The following NETO1 variants were observed in gnomAD, a reference collection of about 807,000 sequenced individuals.
The protein encoded by NETO1 is neuropilin and tolloid-like protein 1.
In NETO1, 26 loss-of-function variants were observed where a neutral mutation model predicts 61.3. That is an observed-to-expected ratio of 0.42 (90% CI 0.31 to 0.59). The LOEUF (loss-of-function observed/expected upper bound fraction) is 0.59, where lower values mean the gene tolerates loss of function less well. Among genes scored for constraint, NETO1 ranks in the 20% least tolerant of loss-of-function variants. NETO1 has a pLI of 0.12. For missense variants in NETO1, 531 were observed against 662.8 expected (o/e 0.80, Z 2.18); for synonymous variants, 225 against 225.8 (o/e 1.00, Z 0.03).
intron 4 of NETO1, among the ~76,000 whole-genome samples, chr18:72,829,319 A>G (rs962448958): frequency 6.6e-6 from 1 of 152,208 alleles, no homozygotes; most frequent in Admixed American, 6.5e-5. Context: ...GCTGATCTAT[A>G]GACCAACCAA....
At chr18:72,807,189 A>G (rs139498673) in intron 4 of NETO1, among the ~76,000 whole-genome samples, 197 of 152,338 alleles carry the variant, frequency 1.3e-3, no homozygotes, top group African/African-American at 4.6e-3. Flanking sequence ...CTTTTCTCTA[A>G]GTATGGGGTT....
chr18:72,793,552 G>T (rs1354814160), intron 6 of NETO1, among the ~76,000 whole-genome samples: 1 of 152,130 alleles, frequency 6.6e-6, no homozygotes, highest in African/African-American at 2.4e-5. Flanking sequence ...ATAATGGAGG[G>T]TTTGATAATG....
rs143172108 is a variant in NETO1, at chr18:72,826,688, C to A, written c.469+32138G>T. Among the ~76,000 whole-genome samples, 650 of 152,218 alleles carry A rather than the reference C, an allele frequency of 4.3e-3. 5 individuals carry two copies. The highest frequency in any genetic ancestry group is 0.015 in the African/African-American group (609 of 41,540). ...GTGCTGGTGACACTTTCAAAAACAA[C>A]AAGTTACACAAAAAAGTTGATTAGG... On this transcript the variant is annotated intron_variant, in intron 4 of 10. Transcript: ENST00000327305.
At chr18:72,834,406 T>C (rs1233901804) in intron 4 of NETO1, 5 of 959,212 alleles carry the variant, frequency 5.2e-6, no homozygotes, top group Non-Finnish European at 5.0e-6. Flanking sequence ...ATGAAGGGAG[T>C]ATAAGAAAAT....
intron 6 of NETO1, among the ~76,000 whole-genome samples, chr18:72,790,915 C>T (rs894581471): frequency 2.0e-5 from 3 of 152,068 alleles, no homozygotes; most frequent in African/African-American, 7.2e-5. Flanking sequence ...TAATAGTTAC[C>T]ATGATTTGGT....
intron 4 of NETO1, among the ~76,000 whole-genome samples, chr18:72,844,950 C>T (rs557848265): frequency 2.0e-5 from 3 of 152,336 alleles, no homozygotes; most frequent in South Asian, 2.1e-4. Flanking sequence ...CAGGTCTTAA[C>T]GTGACATCAA....
intron 7 of NETO1, among the ~76,000 whole-genome samples, chr18:72,777,758 CAAAT>C (rs1208790389): frequency 6.6e-6 from 1 of 152,066 alleles, no homozygotes; most frequent in Non-Finnish European, 1.5e-5. Flanking sequence ...AACAAACAAA[CAAAT>C]AAATAAGAAT....
chr18:72,831,736 A>G (rs1245043322), intron 4 of NETO1, among the ~76,000 whole-genome samples: 2 of 152,270 alleles, frequency 1.3e-5, no homozygotes, highest in Non-Finnish European at 2.9e-5. Flanking sequence ...TACATCTTGT[A>G]TAACTTTTCC....
chr18:72,751,618 G>T (rs996608169), intron 8 of NETO1, among the ~76,000 whole-genome samples: 1 of 152,194 alleles, frequency 6.6e-6, no homozygotes, highest in East Asian at 1.9e-4. Context: ...AACACCAGGT[G>T]TCTCCAGTGG....
chr18:72,758,791 G>T (rs1453285815), intron 7 of NETO1, among the ~76,000 whole-genome samples: 1 of 152,088 alleles, frequency 6.6e-6, no homozygotes, highest in African/African-American at 2.4e-5. Flanking sequence ...AGCCGAGATT[G>T]CGCCACTGTA....
At position 72,744,584 on chromosome 18, in the gene NETO1, G is replaced by A. The variant is rs886175821; in HGVS notation, c.*3595C>T. On this transcript the variant is annotated 3_prime_UTR_variant, in exon 11 of 11. Transcript: ENST00000327305. ...AAAGGGCACAGAGAAAAATGGCACCGAAGCTAGCTCGCCTCAGTGCAATTA... is the reference window on the plus strand; with the variant it reads ...AAAGGGCACAGAGAAAAATGGCACCAAAGCTAGCTCGCCTCAGTGCAATTA... 4 of 152,040 alleles carry A rather than the reference G, an allele frequency of 2.6e-5. No homozygotes were observed. Among genetic ancestry groups the A allele is most frequent in the African/African-American group, 4.8e-5 (2 of 41,400 alleles). 9.4% of individuals were successfully genotyped at this position (152,040 alleles called of 1,614,324 possible).
At chr18:72,807,997 A>G (rs540243969) in intron 4 of NETO1, among the ~76,000 whole-genome samples, 1 of 148,616 alleles carries the variant, frequency 6.7e-6, no homozygotes, top group South Asian at 2.1e-4. Context: ...CATCTTTTTC[A>G]CTAGAACTGG....
chr18:72,835,602 G>T (rs1411052666), intron 4 of NETO1, among the ~76,000 whole-genome samples: 2 of 152,074 alleles, frequency 1.3e-5, no homozygotes, highest in African/African-American at 4.8e-5. Context: ...AGAATGATGG[G>T]TATTTCTACG....
intron 4 of NETO1, among the ~76,000 whole-genome samples, chr18:72,843,908 G>T (rs10514057): frequency 6.6e-6 from 1 of 152,066 alleles, no homozygotes; most frequent in East Asian, 1.9e-4. Context: ...TTAGATAAGC[G>T]TATTAGCTCA....
At chr18:72,824,471 G>A (rs560475962) in intron 4 of NETO1, among the ~76,000 whole-genome samples, 5 of 152,118 alleles carry the variant, frequency 3.3e-5, no homozygotes, top group Non-Finnish European at 4.4e-5. Context: ...AAAGTGTTCT[G>A]GGAAATACTC....
intron 4 of NETO1, among the ~76,000 whole-genome samples, chr18:72,840,263 A>G (rs2073888166): frequency 6.6e-6 from 1 of 152,224 alleles, no homozygotes; most frequent in South Asian, 2.1e-4. Flanking sequence ...TGAGGTGAGA[A>G]CTGAGGAAAA....
At chr18:72,815,653 C>T (rs548126503) in intron 4 of NETO1, among the ~76,000 whole-genome samples, 48 of 152,272 alleles carry the variant, frequency 3.2e-4, no homozygotes, top group African/African-American at 1.1e-3. Flanking sequence ...CTGACGACAT[C>T]GAGTTTCACG....
At chr18:72,801,896 G>A (rs2072520015) in intron 4 of NETO1, among the ~76,000 whole-genome samples, 1 of 152,004 alleles carries the variant, frequency 6.6e-6, no homozygotes, top group Admixed American at 6.6e-5. Flanking sequence ...GAGATGAAAA[G>A]ACTCACTGTC....
chr18:72,796,567 C>A (rs887740280), intron 4 of NETO1, among the ~76,000 whole-genome samples: 1 of 152,206 alleles, frequency 6.6e-6, no homozygotes, highest in Middle Eastern at 3.4e-3. Context: ...AGCTTCACCT[C>A]CCAGGTTCAC....
Sources: gnomAD v4.1 joint callset for allele counts (sites outside exome capture counted in the v4.1 genomes callset) on GRCh38, gnomAD v4.1.1 for gene constraint, MANE v1.5 for transcripts, NCBI Gene and HGNC (gene_info 2026-07-23, HGNC 2026-07-21) for gene names.